Variants in PDS5B observed in about 807,000 individuals in gnomAD.
PDS5B encodes the protein PDS5 cohesin associated factor B.
In PDS5B, 51 loss-of-function variants were observed where a neutral mutation model predicts 184.1. The observed-to-expected ratio is 0.28, with a 90% CI of 0.22 to 0.35. The LOEUF (loss-of-function observed/expected upper bound fraction) is 0.35. Among genes scored for constraint, PDS5B ranks in the 10% least tolerant of loss-of-function variants. The pLI, the probability that PDS5B is intolerant of heterozygous loss-of-function variation, is 1.00. For missense variants in PDS5B, 1,180 were observed against 1,723.3 expected (o/e 0.68, Z 5.58); for synonymous variants, 566 against 569.2 (o/e 0.99, Z 0.08).
Position 32,778,003 on chromosome 13 carries a change from A to G in PDS5B, c.*2951A>G, listed in dbSNP as rs567760406. The G allele has an allele frequency of 6.6e-6, 1 of 152,564 alleles. No individual in the cohort carries two copies. The highest frequency in any genetic ancestry group is 2.1e-4 in the South Asian group (1 of 4,832). The allele number at this position is 152,564 out of a possible 1,614,324, so 9.5% of individuals were successfully genotyped here. On this transcript the variant is annotated 3_prime_UTR_variant, in exon 35 of 35. Coordinates refer to ENST00000315596, the MANE Select transcript of PDS5B (RefSeq NM_015032.4). Reference sequence around the variant, plus strand: ...CATTTTTGGATTTCTGTGAAGTTGAATAAACATAAAAGCTAATACAGTTGT... The same window carrying G: ...CATTTTTGGATTTCTGTGAAGTTGAGTAAACATAAAAGCTAATACAGTTGT...
chr13:32,668,592 T>G (rs1783718896), intron 7 of PDS5B, among the ~76,000 whole-genome samples: 1 of 152,172 alleles, frequency 6.6e-6, no homozygotes, highest in African/African-American at 2.4e-5. Context: ...AATACAAATG[T>G]AGAGTACAGT....
intron 20 of PDS5B, among the ~76,000 whole-genome samples, chr13:32,734,964 C>A (rs540487373): frequency 3.3e-5 from 5 of 152,190 alleles, no homozygotes; most frequent in African/African-American, 1.2e-4. Context: ...AACCTGATGC[C>A]TTCTGGACAT....
intron 20 of PDS5B, among the ~76,000 whole-genome samples, chr13:32,734,698 C>G (rs184612375): frequency 1.3e-5 from 2 of 152,270 alleles, no homozygotes; most frequent in Non-Finnish European, 2.9e-5. Context: ...TCATACCTAC[C>G]TCAGTGCATA....
In PDS5B at chr13:32,745,964, A is replaced by T. The variant is rs765448490; in HGVS notation, c.2613-13A>T. On this transcript the variant is annotated splice_polypyrimidine_tract_variant and intron_variant, in intron 23 of 34. Coordinates refer to ENST00000315596, the MANE Select transcript of PDS5B (RefSeq NM_015032.4). Reference sequence around the variant, plus strand: ...TTAAATGCTAATCTATATTCATTCTACTCATTTTTCAGTAAACCAGATATG... The same window carrying T: ...TTAAATGCTAATCTATATTCATTCTTCTCATTTTTCAGTAAACCAGATATG... 6.3e-7 allele frequency: 1 copy of T among 1,596,476 alleles called. No homozygotes were observed. Among genetic ancestry groups the T allele is most frequent in the African/African-American group, 1.3e-5 (1 of 74,452 alleles).
intron 6 of PDS5B, among the ~76,000 whole-genome samples, chr13:32,659,505 C>T (rs1350897806): frequency 1.3e-5 from 2 of 152,114 alleles, no homozygotes; most frequent in African/African-American, 4.8e-5. Flanking sequence ...TGTTATAATT[C>T]AGTTGCATAT....
intron 1 of PDS5B, among the ~76,000 whole-genome samples, chr13:32,604,656 T>C (rs1183365074): frequency 6.6e-6 from 1 of 152,244 alleles, no homozygotes; most frequent in African/African-American, 2.4e-5. Flanking sequence ...TGGTACCAGC[T>C]CCTCTTTGTA....
intron 20 of PDS5B, among the ~76,000 whole-genome samples, chr13:32,733,269 G>C (rs1428433532): frequency 6.6e-6 from 1 of 152,072 alleles, no homozygotes; most frequent in Non-Finnish European, 1.5e-5. Context: ...AAGAACCTCT[G>C]TAGTCCTCCT....
At chr13:32,731,968 T>C (rs1020662216) in intron 19 of PDS5B, 133 bp from the exon 20 acceptor site, 14 of 607,222 alleles carry the variant, frequency 2.3e-5, no homozygotes, top group African/African-American at 3.8e-5. Context: ...CCTTTGGAAG[T>C]GAGTTTGAGT....
At chr13:32,704,161 C>T (rs1951940064) in intron 17 of PDS5B, among the ~76,000 whole-genome samples, 1 of 151,828 alleles carries the variant, frequency 6.6e-6, no homozygotes, top group Non-Finnish European at 1.5e-5. Flanking sequence ...GTAAGGTGGA[C>T]ATAGAGACTT....
chr13:32,673,023 G>A (rs1242356516), intron 7 of PDS5B, among the ~76,000 whole-genome samples, 193 bp from the exon 8 acceptor site: 1 of 152,164 alleles, frequency 6.6e-6, no homozygotes, highest in Non-Finnish European at 1.5e-5. Context: ...CTGTTTTATT[G>A]TATACAAGAT....
chr13:32,640,278 G>A (rs190852572), intron 1 of PDS5B, among the ~76,000 whole-genome samples: 191 of 151,652 alleles, frequency 1.3e-3, no homozygotes, highest in Middle Eastern at 3.4e-3. Flanking sequence ...ATGAAATCTC[G>A]CTGTCTCACC....
chr13:32,767,824 T>C (rs960277199), intron 31 of PDS5B, among the ~76,000 whole-genome samples: 2 of 152,186 alleles, frequency 1.3e-5, no homozygotes, highest in Non-Finnish European at 2.9e-5. Context: ...CAGCATGGTT[T>C]TGTTTCAAGT....
intron 3 of PDS5B, among the ~76,000 whole-genome samples, 163 bp from the exon 4 acceptor site, chr13:32,658,076 A>C (rs1412900826): frequency 2.0e-5 from 3 of 152,166 alleles, no homozygotes; most frequent in African/African-American, 7.2e-5. Flanking sequence ...TGTTCATATA[A>C]AGGTGTACTT....
rs1293480327 is a variant in PDS5B, at chr13:32,716,310, G to A, written c.2123+6204G>A. ...GAGATGTGGGGAGCGCCTCTGCCCT[G>A]CCGCCCCATCTGGGATGTGAGGAGC... On this transcript the variant is annotated intron_variant, in intron 19 of 34. Coordinates refer to ENST00000315596, the MANE Select transcript of PDS5B (RefSeq NM_015032.4). 5.9e-5 allele frequency among the ~76,000 whole-genome samples: 9 copies of A among 151,706 alleles called. No homozygotes were observed. In the South Asian group the frequency reaches 1.2e-3, roughly 21 times the overall value.
intron 17 of PDS5B, among the ~76,000 whole-genome samples, chr13:32,705,514 A>G (rs144463521): frequency 3.3e-5 from 5 of 152,236 alleles, no homozygotes; most frequent in African/African-American, 1.2e-4. Flanking sequence ...AATATATAAT[A>G]TTTTCGTAGA....
intron 1 of PDS5B, among the ~76,000 whole-genome samples, chr13:32,608,187 G>A (rs1476836648): frequency 1.3e-5 from 2 of 152,156 alleles, no homozygotes; most frequent in Admixed American, 6.5e-5. Context: ...GGGATCTTCA[G>A]TTAAATTCTT....
At chr13:32,749,023 C>G (rs1253523471) in intron 24 of PDS5B, among the ~76,000 whole-genome samples, 1 of 151,950 alleles carries the variant, frequency 6.6e-6, no homozygotes, top group Non-Finnish European at 1.5e-5. Context: ...TCATGTCATT[C>G]CTCTGTTAAA....
intron 21 of PDS5B, among the ~76,000 whole-genome samples, chr13:32,736,165 C>G (rs1238775477): frequency 3.3e-5 from 5 of 151,924 alleles, no homozygotes; most frequent in Non-Finnish European, 5.9e-5. Flanking sequence ...TCTTGTTCAC[C>G]CAGTTCTATT....
At chr13:32,611,840 TC>T (rs2058147465) in intron 1 of PDS5B, among the ~76,000 whole-genome samples, 1 of 151,844 alleles carries the variant, frequency 6.6e-6, no homozygotes, top group Non-Finnish European at 1.5e-5. Context: ...TTTGTTAACT[TC>T]CCATTGTCTG....
Sources: gnomAD v4.1 joint callset for allele counts (sites outside exome capture counted in the v4.1 genomes callset) on GRCh38, gnomAD v4.1.1 for gene constraint, MANE v1.5 for transcripts, NCBI Gene and HGNC (gene_info 2026-07-23, HGNC 2026-07-21) for gene names.